The following SYT3 variants were observed in gnomAD, a reference collection of about 807,000 sequenced individuals.
SYT3 encodes the protein synaptotagmin 3.
In SYT3, 25 loss-of-function variants were observed where a neutral mutation model predicts 50.6. The ratio of observed to expected loss-of-function variants is 0.49; its 90% CI spans 0.36 to 0.69. SYT3 has a LOEUF of 0.69. Among genes scored for constraint, SYT3 ranks in the 30% least tolerant of loss-of-function variants. The probability of loss-of-function intolerance (pLI) is 0.00; values close to 1 mark genes in which losing one functional copy is unlikely to be tolerated. For missense variants in SYT3, 589 were observed against 793.6 expected, an observed-to-expected ratio of 0.74 and a Z score of 3.10; for synonymous variants, 323 against 353.9, an observed-to-expected ratio of 0.91 and a Z score of 0.98.
chr19:50,645,757 G>A, the SYT3 span, among the ~76,000 whole-genome samples: 2 of 152,116 alleles, frequency 1.3e-5, no homozygotes, highest in Admixed American at 1.3e-4. Flanking sequence ...GTGTGCGCCT[G>A]TAGTTCCACC....
At position 50,625,161 on chromosome 19, in the gene SYT3, C is replaced by T; in HGVS notation, c.1707+1G>A. 6.3e-7 allele frequency: 1 copy of T among 1,587,788 alleles called. No homozygotes were observed. The highest frequency in any genetic ancestry group is 8.5e-7 in the Non-Finnish European group (1 of 1,171,878). On this transcript the variant is annotated splice_donor_variant, in intron 9 of 10. Transcript: ENST00000600079. LOFTEE classifies it high-confidence loss of function. The surrounding 1 kb of genome is among the most constrained non-coding windows in gnomAD (Gnocchi z 7.5). ...GGGGTCGGTGTGGGACCCCTACTCA[C>T]CTCCACTAGCTGATGCCAGTGCTCC...
chr19:50,632,296 G>T lies in SYT3; in HGVS notation c.664C>A (p.Pro222Thr), dbSNP rs773437586. 5 of 1,573,786 alleles carry T rather than the reference G, an allele frequency of 3.2e-6. No individual in the cohort carries two copies. In the East Asian group the frequency reaches 1.1e-4, roughly 36 times the overall value. ...AGTATCCTCTCTCACCTGGTAGTGG[G>T]TGCCAGGCTTGTGACCTGCTGATGT... ...QSHQQVTSLA[P>T]TTRYPALPRP... Residue 222 changes from proline to threonine, a missense_variant, in exon 4 of 11, where the codon CCC (proline) becomes ACC (threonine). Around this residue, in one of 2 missense-constraint regions of SYT3, gnomAD observed 316 missense variants for 354.3 expected, o/e 0.89. Coordinates refer to ENST00000600079, the MANE Select transcript of SYT3 (RefSeq NM_001160329.2). This position sits in a 1 kb window ranked among gnomAD's most constrained non-coding sequence, Gnocchi z 4.7.
the SYT3 span, among the ~76,000 whole-genome samples, chr19:50,646,322 T>C: frequency 6.6e-6 from 1 of 152,194 alleles, no homozygotes; most frequent in Admixed American, 6.5e-5. Context: ...CATTTGATGC[T>C]GGTCTGTTTG....
At chr19:50,656,420 T>G in the SYT3 span, 1 of 1,465,710 alleles carries the variant, frequency 6.8e-7, no homozygotes, top group African/African-American at 1.4e-5. Flanking sequence ...TGAGAAGCAG[T>G]GTGGCCAGAG....
chr19:50,647,789 T>C, the SYT3 span, among the ~76,000 whole-genome samples: 1 of 151,852 alleles, frequency 6.6e-6, no homozygotes, highest in Non-Finnish European at 1.5e-5. Flanking sequence ...GGAATAGAAC[T>C]TGGAGACAGA....
the SYT3 span, chr19:50,656,478 C>T: frequency 7.9e-7 from 1 of 1,268,216 alleles, no homozygotes; most frequent in Non-Finnish European, 1.1e-6. Context: ...GCCACCAGGA[C>T]AGTTTGCTGA....
chr19:50,642,200 C>CT (rs1984693862), upstream of SYT3, among the ~76,000 whole-genome samples: 1 of 152,246 alleles, frequency 6.6e-6, no homozygotes, highest in Non-Finnish European at 1.5e-5. Context: ...CATGCCAACT[C>CT]TAACAGCCCG....
chr19:50,647,043 G>C, the SYT3 span, among the ~76,000 whole-genome samples: 1 of 152,080 alleles, frequency 6.6e-6, no homozygotes, highest in Non-Finnish European at 1.5e-5. Context: ...TGTTAGCCAG[G>C]ATGGTCTTGA....
chr19:50,631,175 T>C (rs1006936818), intron 4 of SYT3, among the ~76,000 whole-genome samples: 1 of 149,414 alleles, frequency 6.7e-6, no homozygotes, highest in Non-Finnish European at 1.5e-5. Context: ...TTCTTTTTTT[T>C]TTTTTTTTTT....
At chr19:50,654,546 T>C in the SYT3 span, among the ~76,000 whole-genome samples, 1 of 151,778 alleles carries the variant, frequency 6.6e-6, no homozygotes, top group Non-Finnish European at 1.5e-5. Context: ...ATCTGCCCGC[T>C]TCAGCCTCCC....
intron 6 of SYT3, 53 bp downstream of exon 6, chr19:50,629,241 C>G (rs561552258): frequency 1.6e-5 from 24 of 1,463,430 alleles, no homozygotes; most frequent in Middle Eastern, 2.4e-4. Flanking sequence ...GCTTGCAACC[C>G]GGGGGGTCTC....
intron 3 of SYT3, among the ~76,000 whole-genome samples, chr19:50,635,217 C>T (rs1984458711): frequency 2.0e-5 from 3 of 152,246 alleles, no homozygotes; most frequent in South Asian, 2.1e-4. Context: ...CCAGAGTGCT[C>T]CTTTTTAAGT....
rs754160488 is a variant in SYT3, at chr19:50,630,190, A to T, written c.675-19T>A. 1.5e-5 allele frequency: 22 copies of T among 1,497,174 alleles called. No individual in the cohort carries two copies. Among genetic ancestry groups the T allele is most frequent in the Non-Finnish European group, 1.9e-5 (21 of 1,123,840 alleles). 92.7% of individuals were successfully genotyped at this position (1,497,174 alleles called of 1,614,324 possible). A position where few individuals can be genotyped will look rare whatever the true frequency, so the allele number is the denominator to read the frequency against. ...TGGGTACCTGTAGGGGGTTGGGGGG[A>T]GACCAAGGTGAGGTCAGTGGCTCTG... is the stretch of plus-strand genomic sequence containing the variant. On this transcript the variant is annotated intron_variant, in intron 4 of 10. Transcript: ENST00000600079.
chr19:50,625,422 C>A lies in SYT3; in HGVS notation c.1545G>T (p.Gly515=). The change falls in exon 8 of 11, where the codon GGG becomes GGT. Residue 515 remains glycine (G), a synonymous_variant. Coordinates refer to ENST00000600079, the MANE Select transcript of SYT3 (RefSeq NM_001160329.2). This position sits in a 1 kb window ranked among gnomAD's most constrained non-coding sequence, Gnocchi z 7.5. ...CGTAGTCTACCACGGCGATGCTGAG[C>A]CCCACGTTCTCCACGCTCTCGGGGG... ...DVAPESVENV[G]LSIAVVDYDC... The A allele has an allele frequency of 6.4e-7, 1 of 1,560,376 alleles. No individual in the cohort carries two copies. The highest frequency in any genetic ancestry group is 2.4e-5 in the East Asian group (1 of 41,846).
At chr19:50,655,835 G>C in the SYT3 span, among the ~76,000 whole-genome samples, 1 of 152,224 alleles carries the variant, frequency 6.6e-6, no homozygotes, top group Non-Finnish European at 1.5e-5. Flanking sequence ...TAGGAACCCA[G>C]CTGTTGAAGG....
At chr19:50,635,897 G>A (rs1239574195) in intron 3 of SYT3, among the ~76,000 whole-genome samples, 1 of 152,178 alleles carries the variant, frequency 6.6e-6, no homozygotes, top group Non-Finnish European at 1.5e-5. Context: ...TGCCCTGGGT[G>A]CCTCTTCCCT....
intron 3 of SYT3, among the ~76,000 whole-genome samples, chr19:50,633,631 T>C (rs1027766095): frequency 6.6e-6 from 1 of 152,152 alleles, no homozygotes. Context: ...GTAGGAAAAA[T>C]CAGTTCTTCC....
Position 50,630,095 on chromosome 19 carries a change from G to A in SYT3, c.751C>T (p.Pro251Ser), listed in dbSNP as rs922804895. The A allele has an allele frequency of 6.2e-7, 1 of 1,611,518 alleles. No individual in the cohort carries two copies. The change falls in exon 5 of 11, where the codon CCT becomes TCT. Residue 251 changes from proline (P) to serine (S), a missense_variant. Transcript: ENST00000600079. ...QPDPSSEERP[P>S]ALPLPLPGGE... ...CCAGGCAGGGGTAAGGGCAGGGCAG[G>A]TGGCCGCTCCTCACTGCTGGGGTCC...
chr19:50,649,767 A>G, the SYT3 span: 6 of 610,264 alleles, frequency 9.8e-6, no homozygotes, highest in Admixed American at 4.3e-5. Context: ...CTGGGGCCTA[A>G]GCAACACCTC....
Sources: gnomAD v4.1 joint callset for allele counts (sites outside exome capture counted in the v4.1 genomes callset) on GRCh38, gnomAD v4.1.1 for gene constraint, gnomAD v4.1.1 regional missense constraint, Gnocchi (gnomAD v3.1) non-coding constraint, MANE v1.5 for transcripts, NCBI Gene and HGNC (gene_info 2026-07-23, HGNC 2026-07-21) for gene names.